The following WTAP variants were observed in gnomAD, a reference collection of about 807,000 sequenced individuals.
WTAP encodes pre-mRNA-splicing regulator WTAP.
Under a neutral mutation model 50.0 loss-of-function variants are expected in WTAP, and 8 were observed. That is an observed-to-expected ratio of 0.16 (90% CI 0.09 to 0.29). The LOEUF (loss-of-function observed/expected upper bound fraction) is 0.29. Among genes scored for constraint, WTAP ranks in the 10% least tolerant of loss-of-function variants. The pLI, the probability that WTAP is intolerant of heterozygous loss-of-function variation, is 1.00. For synonymous variants in WTAP, 194 were observed against 169.0 expected (o/e 1.15, Z -1.15); for missense variants, 295 against 470.7 (o/e 0.63, Z 3.45).
chr6:159,745,827 T>C (rs373429267), intron 5 of WTAP, among the ~76,000 whole-genome samples: 69 of 152,300 alleles, frequency 4.5e-4, no homozygotes, highest in African/African-American at 1.2e-3. Context: ...ATGAAATACA[T>C]GAAGCCACTG....
intron 1 of WTAP, among the ~76,000 whole-genome samples, chr6:159,730,485 C>G: frequency 6.6e-6 from 1 of 152,046 alleles, no homozygotes; most frequent in East Asian, 1.9e-4. Context: ...CTTCTCGGTA[C>G]ATTCGTGTGG....
In WTAP at chr6:159,755,030, C is replaced by G; in HGVS notation, c.610C>G (p.Leu204Val). 6.2e-7 allele frequency: 1 copy of G among 1,610,384 alleles called. No homozygotes were observed. The highest frequency in any genetic ancestry group is 8.5e-7 in the Non-Finnish European group (1 of 1,177,938). Residue 204 changes from leucine to valine, a missense_variant and splice_region_variant, in exon 8 of 8, where the codon CTG becomes GTG. Physicochemically the swap from Leu to Val is conservative, Grantham distance 32. Around this residue, in one of 2 missense-constraint regions of WTAP, gnomAD observed 120 missense variants for 287.6 expected, o/e 0.42. Coordinates refer to ENST00000621533, the MANE Select transcript of WTAP (RefSeq NM_001270531.2). ...SEELKSSQDE[L>V]NDFIIQLDEE... ...TGGTCTGACTCTCCTTTGCACAGAA[C>G]TGAATGACTTCATCATCCAGCTTGA...
At chr6:159,727,906 C>T (rs1207738308) in intron 1 of WTAP, among the ~76,000 whole-genome samples, 33 of 152,236 alleles carry the variant, frequency 2.2e-4, no homozygotes, top group African/African-American at 5.3e-4. Context: ...TTATCTCTGT[C>T]CTCCGTCCCC....
rs1780003497 is a variant in WTAP, at chr6:159,756,072, A to T, written c.*461A>T. On this transcript the variant is annotated 3_prime_UTR_variant, in exon 8 of 8. Transcript: ENST00000621533. ...TATGACTGCCAAGTTTGCCCAGTACAGTAGTTTTTTATCACTAAAAGTTGG... is the reference window on the plus strand; with the variant it reads ...TATGACTGCCAAGTTTGCCCAGTACTGTAGTTTTTTATCACTAAAAGTTGG... The T allele has an allele frequency of 6.5e-6, 1 of 154,152 alleles. No individual in the cohort carries two copies. Among genetic ancestry groups the T allele is most frequent in the Admixed American group, 6.5e-5 (1 of 15,446 alleles). The allele number at this position is 154,152 out of a possible 1,614,324, so 9.5% of individuals were successfully genotyped here.
chr6:159,753,440 G>A lies in WTAP; in HGVS notation c.453-20G>A. ...AGAGTTTTGTCTTCATTTTGTGATG[G>A]ATGGCTCTTTCCTTTGCAGCCAAAC... On this transcript the variant is annotated intron_variant, in intron 6 of 7. Coordinates refer to ENST00000621533, the MANE Select transcript of WTAP (RefSeq NM_001270531.2). The A allele has an allele frequency of 6.2e-7, 1 of 1,614,130 alleles. No individual in the cohort carries two copies. Among genetic ancestry groups the A allele is most frequent in the African/African-American group, 1.3e-5 (1 of 75,058 alleles).
intron 3 of WTAP, among the ~76,000 whole-genome samples, chr6:159,740,906 G>C (rs1051556867): frequency 6.6e-6 from 1 of 151,974 alleles, no homozygotes; most frequent in Admixed American, 6.6e-5. Context: ...ATTTCACTGT[G>C]TTGGCCAGGA....
intron 1 of WTAP, among the ~76,000 whole-genome samples, chr6:159,732,884 A>AGTGTGTGTGTGTGTGTGTGTG: frequency 1.2e-5 from 1 of 83,418 alleles, no homozygotes; most frequent in Non-Finnish European, 2.2e-5. Context: ...GTATATATAT[A>AGTGTGTGTGTGTGTGTGTGTG]TAGTGTGTGT....
rs1583112114 is a variant in WTAP, at chr6:159,755,336, T to C, written c.916T>C (p.Ser306Pro). 6.2e-7 allele frequency: 1 copy of C among 1,614,200 alleles called. No homozygotes were observed. Among genetic ancestry groups the C allele is most frequent in the East Asian group, 2.2e-5 (1 of 44,892 alleles). Residue 306 changes from serine (S) to proline (P), a missense_variant, in exon 8 of 8, where the codon TCT becomes CCT. Physicochemically the swap from Ser to Pro is moderately conservative, Grantham distance 74. Around this residue, in one of 2 missense-constraint regions of WTAP, gnomAD observed 175 missense variants for 183.1 expected, o/e 0.96. Coordinates refer to ENST00000621533, the MANE Select transcript of WTAP (RefSeq NM_001270531.2). Reference protein sequence around the residue: ...GNTTEDDFPSSPGNGNKSSNS... With the variant: ...GNTTEDDFPSPPGNGNKSSNS... ...CACAACCGAAGATGACTTTCCTTCT[T>C]CTCCAGGGAATGGTAATAAGTCCTC...
intron 1 of WTAP, among the ~76,000 whole-genome samples, chr6:159,729,611 A>G (rs1778443482): frequency 6.6e-6 from 1 of 152,220 alleles, no homozygotes; most frequent in Non-Finnish European, 1.5e-5. Flanking sequence ...GAAAGCATTA[A>G]TATTTGCAGC....
chr6:159,742,217 GT>G, intron 4 of WTAP, 71 bp downstream of exon 4: 2 of 1,323,456 alleles, frequency 1.5e-6, no homozygotes, highest in South Asian at 1.3e-5. Context: ...AAGGATAGTT[GT>G]TTTTATTAAA....
intron 2 of WTAP, among the ~76,000 whole-genome samples, chr6:159,738,314 T>C (rs1284867638): frequency 1.3e-5 from 2 of 152,256 alleles, no homozygotes; most frequent in South Asian, 2.1e-4. Flanking sequence ...CAGAGTGTTA[T>C]ATAAATGTAA....
At chr6:159,743,621 C>G (rs1432482277) in intron 4 of WTAP, 44 bp from the exon 5 acceptor site, 10 of 1,543,536 alleles carry the variant, frequency 6.5e-6, no homozygotes. Flanking sequence ...GTATTTAGAA[C>G]TTGATCTTAA....
rs912191726 is a variant in WTAP, at chr6:159,727,506, C to T, written c.-206C>T. 1.7e-5 allele frequency: 17 copies of T among 993,160 alleles called. No individual in the cohort carries two copies. Among genetic ancestry groups the T allele is most frequent in the Non-Finnish European group, 2.0e-5 (17 of 836,030 alleles). 61.5% of individuals were successfully genotyped at this position (993,160 alleles called of 1,614,324 possible). On this transcript the variant is annotated 5_prime_UTR_variant, in exon 1 of 8. Coordinates refer to ENST00000621533, the MANE Select transcript of WTAP (RefSeq NM_001270531.2). ...GGGCCGGGCGGCGGGGCCTGGTTTC[C>T]TCCCTCAGCGCCATTTTGTGGCAGC...
At position 159,749,132 on chromosome 6, in the gene WTAP, A is replaced by C. The variant is rs11962969; in HGVS notation, c.452+763A>C. ...TTGAATGGTTGCAAAAACTGTAGAT[A>C]ATCTTACTGAGGACTGTACAAACAT... On this transcript the variant is annotated intron_variant, in intron 6 of 7. Coordinates refer to ENST00000621533, the MANE Select transcript of WTAP (RefSeq NM_001270531.2). 8.6e-4 allele frequency: 850 copies of C among 986,156 alleles called. 7 individuals carry two copies. In the African/African-American group the frequency reaches 0.014, roughly 16 times the overall value. The allele number at this position is 986,156 out of a possible 1,614,324, so 61.1% of individuals were successfully genotyped here.
At chr6:159,739,942 A>C (rs1381322536) in intron 3 of WTAP, among the ~76,000 whole-genome samples, 1 of 145,554 alleles carries the variant, frequency 6.9e-6, no homozygotes, top group Non-Finnish European at 1.5e-5. Context: ...ATTCTAAAAC[A>C]CTTCTGTCTT....
upstream of WTAP, chr6:159,727,161 C>G: frequency 1.7e-6 from 2 of 1,195,946 alleles, no homozygotes; most frequent in Non-Finnish European, 2.1e-6. Flanking sequence ...CCGCGGAGCT[C>G]GCGCCAGGCT....
chr6:159,753,436 G>C, intron 6 of WTAP, 24 bp from the exon 7 acceptor site: 2 of 1,614,118 alleles, frequency 1.2e-6, no homozygotes, highest in Non-Finnish European at 1.7e-6. Context: ...TTCATTTTGT[G>C]ATGGATGGCT....
intron 5 of WTAP, among the ~76,000 whole-genome samples, 161 bp downstream of exon 5, chr6:159,743,953 A>C (rs1417562343): frequency 6.6e-6 from 1 of 152,158 alleles, no homozygotes; most frequent in African/African-American, 2.4e-5. Flanking sequence ...AAATTTTGAT[A>C]ATGTCTCATT....
At position 159,755,332 on chromosome 6, in the gene WTAP, T is replaced by G; in HGVS notation, c.912T>G (p.Pro304=). 2 of 1,614,222 alleles carry G rather than the reference T, an allele frequency of 1.2e-6. No individual in the cohort carries two copies. ...REGNTTEDDF[P]SSPGNGNKSS... ...GCAACACAACCGAAGATGACTTTCC[T>G]TCTTCTCCAGGGAATGGTAATAAGT... The change falls in exon 8 of 8, where the codon CCT becomes CCG. Residue 304 remains proline, a synonymous_variant. Coordinates refer to ENST00000621533, the MANE Select transcript of WTAP (RefSeq NM_001270531.2).
Sources: allele counts gnomAD v4.1 joint callset (sites outside exome capture counted in the v4.1 genomes callset), GRCh38; gene constraint gnomAD v4.1.1; regional missense constraint gnomAD v4.1.1; transcripts MANE v1.5; gene names NCBI Gene and HGNC (gene_info 2026-07-23, HGNC 2026-07-21).